The following PIGK variants were observed in gnomAD, a reference collection of about 807,000 sequenced individuals.
PIGK encodes phosphatidylinositol glycan anchor biosynthesis class K.
A neutral mutation model predicts 50.6 loss-of-function variants in PIGK; 42 were observed. The ratio of observed to expected loss-of-function variants is 0.83; its 90% CI spans 0.65 to 1.07. The LOEUF is 1.07. PIGK is among the 50% of genes least tolerant of loss of function. The pLI, the probability that PIGK is intolerant of heterozygous loss-of-function variation, is 0.00. For missense variants in PIGK, 448 were observed against 488.7 expected, an observed-to-expected ratio of 0.92 and a Z score of 0.78; for synonymous variants, 151 against 156.0, an observed-to-expected ratio of 0.97 and a Z score of 0.24.
chr1:77,164,195 C>T (rs1655188979), intron 5 of PIGK, among the ~76,000 whole-genome samples: 1 of 152,140 alleles, frequency 6.6e-6, no homozygotes. Flanking sequence ...TATATTTATG[C>T]TCTTCCACTG....
At chr1:77,156,773 A>T (rs1413796005) in intron 8 of PIGK, among the ~76,000 whole-genome samples, 2 of 152,168 alleles carry the variant, frequency 1.3e-5, no homozygotes, top group Non-Finnish European at 2.9e-5. Flanking sequence ...TATAAATTGC[A>T]TTGTTATCAT....
At chr1:77,152,123 C>T (rs1275988308) in intron 9 of PIGK, among the ~76,000 whole-genome samples, 2 of 152,042 alleles carry the variant, frequency 1.3e-5, no homozygotes, top group Admixed American at 6.6e-5. Flanking sequence ...CTACAGTAAT[C>T]AAAACAGCAT....
intron 10 of PIGK, among the ~76,000 whole-genome samples, chr1:77,101,173 G>C (rs1653532215): frequency 1.3e-5 from 2 of 152,032 alleles, no homozygotes; most frequent in Non-Finnish European, 2.9e-5. Flanking sequence ...AAAATGCAAG[G>C]AATCTACTTG....
chr1:77,205,593 G>A (rs1453916122), intron 3 of PIGK, among the ~76,000 whole-genome samples: 1 of 151,792 alleles, frequency 6.6e-6, no homozygotes, highest in Non-Finnish European at 1.5e-5. Context: ...TTATTACCAT[G>A]TAACAAATGA....
chr1:77,208,059 C>CA (rs999209319), intron 2 of PIGK, among the ~76,000 whole-genome samples: 8 of 149,926 alleles, frequency 5.3e-5, no homozygotes, highest in African/African-American at 1.2e-4. Flanking sequence ...CCCATCTCTA[C>CA]AAAAAAAAAT....
intron 8 of PIGK, among the ~76,000 whole-genome samples, chr1:77,159,026 C>A (rs1655073936): frequency 6.6e-6 from 1 of 152,162 alleles, no homozygotes; most frequent in Non-Finnish European, 1.5e-5. Context: ...ACCTTCACAG[C>A]AGCCCCTCCC....
rs142096839 is a variant in PIGK, at chr1:77,176,435, T to C, written c.240-7040A>G. ...ATGTTCCAATATTGCATGGGATTTC[T>C]AAAATTCTAATATGTCTAAGTAATG... On this transcript the variant is annotated intron_variant, in intron 3 of 10. Coordinates refer to ENST00000370812, the MANE Select transcript of PIGK (RefSeq NM_005482.3). 6.5e-4 allele frequency among the ~76,000 whole-genome samples: 99 copies of C among 152,348 alleles called. 1 individual carries two copies. The Middle Eastern group carries it at 0.017, about 26-fold the overall frequency.
chr1:77,207,935 AT>A (rs1656326683), intron 2 of PIGK, among the ~76,000 whole-genome samples: 1 of 152,208 alleles, frequency 6.6e-6, no homozygotes, highest in South Asian at 2.1e-4. Flanking sequence ...ATATCATAAA[AT>A]TCTAGCTGGA....
At chr1:77,185,630 A>C (rs961818857) in intron 3 of PIGK, among the ~76,000 whole-genome samples, 1 of 152,090 alleles carries the variant, frequency 6.6e-6, no homozygotes, top group Admixed American at 6.5e-5. Flanking sequence ...CGGCCCATTT[A>C]TTGAGTGACC....
chr1:77,157,481 T>C (rs748903193), intron 8 of PIGK, among the ~76,000 whole-genome samples: 2 of 152,196 alleles, frequency 1.3e-5, no homozygotes, highest in Non-Finnish European at 2.9e-5. Context: ...ATGTGCAAGG[T>C]ACATATATTT....
rs370347635 is a variant in PIGK at position 77,133,063 on chromosome 1, T to G, written c.987-10704A>C. Among the ~76,000 whole-genome samples the G allele has an allele frequency of 1.8e-4, 27 of 152,292 alleles. 1 individual carries two copies. The highest frequency in any genetic ancestry group is 6.5e-4 in the African/African-American group (27 of 41,582). On this transcript the variant is annotated intron_variant, in intron 9 of 10. Transcript: ENST00000370812. Reference sequence around the variant, plus strand: ...TGTGGTCCGATATATTTCATTAGTTTAGGAAAATGTTTATTATCACTTTAA... The same window carrying G: ...TGTGGTCCGATATATTTCATTAGTTGAGGAAAATGTTTATTATCACTTTAA...
At chr1:77,124,509 T>C (rs1654181467) in intron 9 of PIGK, among the ~76,000 whole-genome samples, 1 of 151,682 alleles carries the variant, frequency 6.6e-6, no homozygotes, top group Non-Finnish European at 1.5e-5. Context: ...CTTGGGAGGC[T>C]GAGGCAGGAG....
At chr1:77,117,668 A>T (rs1456086988) in intron 10 of PIGK, among the ~76,000 whole-genome samples, 3 of 151,572 alleles carry the variant, frequency 2.0e-5, no homozygotes, top group Admixed American at 6.6e-5. Context: ...CAGCTTTTCC[A>T]CTCTGCTAAA....
Position 77,142,022 on chromosome 1 carries a change from G to A in PIGK, c.986+12427C>T, listed in dbSNP as rs377723922. Among the ~76,000 whole-genome samples, 7 of 152,198 alleles carry A rather than the reference G, an allele frequency of 4.6e-5. No homozygotes were observed. In the East Asian group the frequency reaches 1.2e-3, roughly 25 times the overall value. On this transcript the variant is annotated intron_variant, in intron 9 of 10. Transcript: ENST00000370812. ...AATAGTTCAATACTAATATGGCAAT[G>A]TCAGAATGAGTATTAAAAAAGACTA...
intron 8 of PIGK, 47 bp downstream of exon 8, chr1:77,161,248 A>T (rs755005167): frequency 2.2e-6 from 2 of 888,978 alleles, no homozygotes; most frequent in East Asian, 2.4e-5. Context: ...TTTTCACATT[A>T]AGGTTAGCAT....
intron 9 of PIGK, among the ~76,000 whole-genome samples, chr1:77,128,624 T>C (rs1465583396): frequency 6.6e-6 from 1 of 152,202 alleles, no homozygotes; most frequent in Non-Finnish European, 1.5e-5. Context: ...AATAGTAGTG[T>C]AGAGTTCTGG....
chr1:77,108,828 C>T (rs992277320), intron 10 of PIGK, among the ~76,000 whole-genome samples: 1 of 152,190 alleles, frequency 6.6e-6, no homozygotes, highest in African/African-American at 2.4e-5. Flanking sequence ...CTTCTCGCTT[C>T]ATTTTATTCA....
chr1:77,166,955 A>G, intron 4 of PIGK, 125 bp from the exon 5 acceptor site: 1 of 590,582 alleles, frequency 1.7e-6, no homozygotes, highest in Non-Finnish European at 3.0e-6. Flanking sequence ...AACTGAAAAT[A>G]AAACACCCAA....
rs146165348 is a variant in PIGK at position 77,121,790 on chromosome 1, A to C, written c.1071+485T>G. Among the ~76,000 whole-genome samples the C allele has an allele frequency of 1.4e-4, 21 of 152,338 alleles. No individual in the cohort carries two copies. In the East Asian group the frequency reaches 4.0e-3, roughly 29 times the overall value. On this transcript the variant is annotated intron_variant, in intron 10 of 10. Transcript: ENST00000370812. Reference sequence around the variant, plus strand: ...ACAGTTATGTAGAACGGATGATAAAATCATTATAATTGGAAATGAACAAAT... The same window carrying C: ...ACAGTTATGTAGAACGGATGATAAACTCATTATAATTGGAAATGAACAAAT...
Sources: gnomAD v4.1 joint callset for allele counts (sites outside exome capture counted in the v4.1 genomes callset) on GRCh38, gnomAD v4.1.1 for gene constraint, MANE v1.5 for transcripts, NCBI Gene and HGNC (gene_info 2026-07-23, HGNC 2026-07-21) for gene names.